Variants in MCU observed in about 807,000 individuals in gnomAD.
MCU encodes the protein mitochondrial calcium uniporter.
MCU carries 12 observed loss-of-function variants against 45.2 expected under a neutral mutation model. The ratio of observed to expected loss-of-function variants is 0.27; its 90% CI spans 0.17 to 0.43. MCU has a LOEUF of 0.43. Ranked by LOEUF, MCU falls within the 20% of genes least tolerant of loss-of-function variation. The pLI, the probability that MCU is intolerant of heterozygous loss-of-function variation, is 1.00. For missense variants in MCU, 324 were observed against 436.7 expected (o/e 0.74, Z 2.30); for synonymous variants, 160 against 165.1 (o/e 0.97, Z 0.24).
intron 1 of MCU, among the ~76,000 whole-genome samples, chr10:72,741,925 G>C (rs1214638533): frequency 6.6e-6 from 1 of 151,446 alleles, no homozygotes; most frequent in African/African-American, 2.4e-5. Flanking sequence ...CTACTGGGGA[G>C]GCTGAGGCAG....
Position 72,813,737 on chromosome 10 carries a change from G to A in MCU, c.151-20622G>A, listed in dbSNP as rs969493509. On this transcript the variant is annotated intron_variant, in intron 1 of 7. Transcript: ENST00000373053. ...GCCTCCCAAATTGCTGGGATTACAGGCGTGAGCCCCTGCGCCCAGCAAATA... is the reference window on the plus strand; with the variant it reads ...GCCTCCCAAATTGCTGGGATTACAGACGTGAGCCCCTGCGCCCAGCAAATA... Among the ~76,000 whole-genome samples, 63 of 152,160 alleles carry A rather than the reference G, an allele frequency of 4.1e-4. 1 individual carries two copies. The highest frequency in any genetic ancestry group is 1.4e-3 in the African/African-American group (60 of 41,508).
At chr10:72,844,257 G>A (rs1845087703) in intron 2 of MCU, among the ~76,000 whole-genome samples, 1 of 152,060 alleles carries the variant, frequency 6.6e-6, no homozygotes, top group South Asian at 2.1e-4. Context: ...TGTGGTGGTG[G>A]GCACCTGTAA....
chr10:72,844,705 AT>A (rs1317168205), intron 2 of MCU, among the ~76,000 whole-genome samples: 4 of 152,214 alleles, frequency 2.6e-5, no homozygotes, highest in Non-Finnish European at 4.4e-5. Context: ...CTAACATATA[AT>A]TTAACAAAAA....
chr10:72,808,808 AC>A (rs1162611758), intron 1 of MCU, among the ~76,000 whole-genome samples: 2 of 152,168 alleles, frequency 1.3e-5, no homozygotes, highest in Non-Finnish European at 2.9e-5. Context: ...GGGAAGTGCT[AC>A]ACACTTTTAG....
At chr10:72,713,527 G>A (rs1019516656) in intron 1 of MCU, among the ~76,000 whole-genome samples, 2 of 152,148 alleles carry the variant, frequency 1.3e-5, no homozygotes, top group East Asian at 1.9e-4. Context: ...TGATCTGCCC[G>A]CCTCGCTAGT....
At chr10:72,835,659 C>A (rs1009613255) in intron 2 of MCU, among the ~76,000 whole-genome samples, 1 of 152,076 alleles carries the variant, frequency 6.6e-6, no homozygotes, top group Non-Finnish European at 1.5e-5. Context: ...AAGAAAAATC[C>A]ATTGTGATTA....
intron 2 of MCU, among the ~76,000 whole-genome samples, chr10:72,852,655 T>C (rs1176502827): frequency 6.6e-6 from 1 of 152,188 alleles, no homozygotes; most frequent in African/African-American, 2.4e-5. Context: ...GAAACAGAGC[T>C]TGGCCATCTA....
In MCU at chr10:72,774,823, A is replaced by G. The variant is rs116610416; in HGVS notation, c.151-59536A>G. On this transcript the variant is annotated intron_variant, in intron 1 of 7. Transcript: ENST00000373053. ...AAGAAGGGCACCATATAAGATAAATAGATCAATTCAGCAAGAAGATATACC... is the reference window on the plus strand; with the variant it reads ...AAGAAGGGCACCATATAAGATAAATGGATCAATTCAGCAAGAAGATATACC... Among the ~76,000 whole-genome samples, 311 of 152,290 alleles carry G rather than the reference A, an allele frequency of 2.0e-3. 1 individual carries two copies. Among genetic ancestry groups the G allele is most frequent in the African/African-American group, 6.7e-3 (278 of 41,584 alleles).
intron 1 of MCU, among the ~76,000 whole-genome samples, chr10:72,779,980 A>G (rs187174416): frequency 2.6e-5 from 4 of 152,228 alleles, no homozygotes; most frequent in Non-Finnish European, 5.9e-5. Flanking sequence ...AAACATGTAC[A>G]TATGTTCATA....
intron 2 of MCU, among the ~76,000 whole-genome samples, chr10:72,852,162 A>G (rs1461471187): frequency 1.3e-5 from 2 of 152,250 alleles, no homozygotes; most frequent in South Asian, 2.1e-4. Context: ...ATTACTGCCT[A>G]TAGAAAAGAT....
intron 1 of MCU, among the ~76,000 whole-genome samples, chr10:72,829,780 T>A (rs1844853299): frequency 6.6e-6 from 1 of 152,196 alleles, no homozygotes; most frequent in South Asian, 2.1e-4. Context: ...CTCTTACAAT[T>A]GCTTCCTTGG....
chr10:72,852,281 T>C (rs1845218966), intron 2 of MCU, among the ~76,000 whole-genome samples: 1 of 152,236 alleles, frequency 6.6e-6, no homozygotes, highest in Non-Finnish European at 1.5e-5. Flanking sequence ...TATCTTTAGG[T>C]ATTGCAGACT....
At chr10:72,740,329 A>G (rs1843309550) in intron 1 of MCU, among the ~76,000 whole-genome samples, 2 of 151,744 alleles carry the variant, frequency 1.3e-5, no homozygotes, top group Non-Finnish European at 2.9e-5. Context: ...CAGTGAGCCA[A>G]GATCACACCA....
intron 1 of MCU, among the ~76,000 whole-genome samples, chr10:72,819,727 C>CTTTTTTTTTTTTTTTTTT (rs71021538): frequency 9.7e-6 from 1 of 102,602 alleles, no homozygotes; most frequent in Non-Finnish European, 1.9e-5. Context: ...TTTTTCCAGT[C>CTTTTTTTTTTTTTTTTTT]TTTTTTTTTT....
At chr10:72,714,900 A>G (rs570897246) in intron 1 of MCU, among the ~76,000 whole-genome samples, 18 of 152,270 alleles carry the variant, frequency 1.2e-4, no homozygotes, top group African/African-American at 3.8e-4. Context: ...CTTACGGTCA[A>G]TCTGGATTTA....
intron 2 of MCU, among the ~76,000 whole-genome samples, chr10:72,835,657 T>C (rs1029802935): frequency 2.6e-5 from 4 of 152,052 alleles, no homozygotes; most frequent in Non-Finnish European, 5.9e-5. Context: ...GGAAGAAAAA[T>C]CCATTGTGAT....
At chr10:72,802,796 A>G (rs528368437) in intron 1 of MCU, among the ~76,000 whole-genome samples, 3 of 152,322 alleles carry the variant, frequency 2.0e-5, no homozygotes, top group Admixed American at 6.5e-5. Context: ...CCCTTATTCT[A>G]TATGAAAGAT....
At chr10:72,710,167 G>T (rs750292343) in intron 1 of MCU, among the ~76,000 whole-genome samples, 4 of 152,018 alleles carry the variant, frequency 2.6e-5, no homozygotes, top group Admixed American at 6.6e-5. Flanking sequence ...TAGTAGAGAT[G>T]GGGTTTCACC....
chr10:72,862,233 G>A (rs1182306551), intron 4 of MCU, among the ~76,000 whole-genome samples: 2 of 151,668 alleles, frequency 1.3e-5, no homozygotes, highest in African/African-American at 2.4e-5. Context: ...TGCCCGCCTC[G>A]GCCTCCCAAA....
Sources: allele counts gnomAD v4.1 joint callset (sites outside exome capture counted in the v4.1 genomes callset), GRCh38; gene constraint gnomAD v4.1.1; transcripts MANE v1.5; gene names NCBI Gene and HGNC (gene_info 2026-07-23, HGNC 2026-07-21).